SGCE: variants seen among roughly 807,000 people sequenced by gnomAD.
SGCE encodes the protein sarcoglycan epsilon.
In SGCE, 26 loss-of-function variants were observed where a neutral mutation model predicts 57.8. The ratio of observed to expected loss-of-function variants is 0.45; its 90% CI spans 0.33 to 0.62. The LOEUF (loss-of-function observed/expected upper bound fraction) is 0.62, where lower values mean the gene tolerates loss of function less well. Among genes scored for constraint, SGCE ranks in the 20% least tolerant of loss-of-function variants. The probability of loss-of-function intolerance (pLI) is 0.02; values close to 1 mark genes in which losing one functional copy is unlikely to be tolerated. For missense variants in SGCE, 468 were observed against 548.6 expected, an observed-to-expected ratio of 0.85 and a Z score of 1.47; for synonymous variants, 183 against 189.5, an observed-to-expected ratio of 0.97 and a Z score of 0.28.
chr7:94,588,605 C>T, intron 10 of SGCE, 84 bp downstream of exon 10: 3 of 1,557,154 alleles, frequency 1.9e-6, no homozygotes, highest in Admixed American at 1.7e-5. Context: ...GAAGATAAAG[C>T]TTCATAAATT....
chr7:94,604,012 G>A (rs1474229139), intron 5 of SGCE, among the ~76,000 whole-genome samples: 1 of 151,994 alleles, frequency 6.6e-6, no homozygotes, highest in East Asian at 1.9e-4. Flanking sequence ...CTCATTAGAA[G>A]GCCTTGCAAT....
chr7:94,626,017 G>A (rs1437651477), intron 3 of SGCE: 5 of 152,050 alleles, frequency 3.3e-5, no homozygotes, highest in Non-Finnish European at 7.4e-5. Context: ...CACCTGCAAT[G>A]CATTTTACTG....
chr7:94,611,607 C>G (rs905202130), intron 5 of SGCE, among the ~76,000 whole-genome samples: 1 of 151,886 alleles, frequency 6.6e-6, no homozygotes, highest in Non-Finnish European at 1.5e-5. Flanking sequence ...CTAAAAGTCA[C>G]GATTTAAAAT....
chr7:94,616,658 A>G (rs1801971591), intron 5 of SGCE, among the ~76,000 whole-genome samples: 1 of 152,160 alleles, frequency 6.6e-6, no homozygotes. Context: ...TTTTTTTTCT[A>G]AATTTAAGGC....
intron 8 of SGCE, chr7:94,599,463 C>G (rs1168995891): frequency 1.9e-6 from 1 of 518,364 alleles, no homozygotes; most frequent in African/African-American, 1.9e-5. Flanking sequence ...TATTCTGAAT[C>G]TGAAATATTT....
chr7:94,634,393 T>A (rs1479385031), intron 1 of SGCE, among the ~76,000 whole-genome samples: 1 of 152,180 alleles, frequency 6.6e-6, no homozygotes, highest in Admixed American at 6.6e-5. Flanking sequence ...TTGGTTGCCT[T>A]GTCATTTACC....
At chr7:94,609,864 C>A (rs1800732027) in intron 5 of SGCE, among the ~76,000 whole-genome samples, 1 of 152,022 alleles carries the variant, frequency 6.6e-6, no homozygotes, top group Admixed American at 6.6e-5. Flanking sequence ...CTATATTTAC[C>A]CAAAGGAGTT....
chr7:94,648,918 G>A lies in SGCE; in HGVS notation c.109+7072C>T, dbSNP rs767291273. On this transcript the variant is annotated intron_variant, in intron 1 of 10. Transcript: ENST00000648936. Reference sequence around the variant, plus strand: ...TGATCCCTTCTTTCAAATTTGCAGCGAACCCCAAATCTCCATAATAATCAA... The same window carrying A: ...TGATCCCTTCTTTCAAATTTGCAGCAAACCCCAAATCTCCATAATAATCAA... Among the ~76,000 whole-genome samples the A allele has an allele frequency of 2.0e-5, 3 of 152,098 alleles. No individual in the cohort carries two copies. The South Asian group carries it at 6.2e-4, about 31-fold the overall frequency.
At chr7:94,627,253 C>CTG (rs1803868236) in intron 3 of SGCE, 1 of 151,990 alleles carries the variant, frequency 6.6e-6, no homozygotes, top group African/African-American at 2.4e-5. Flanking sequence ...CTCTGAAAGG[C>CTG]TGTATTCTTT....
At chr7:94,626,743 C>T (rs1803775637) in intron 3 of SGCE, 8 of 151,906 alleles carry the variant, frequency 5.3e-5, no homozygotes, top group Admixed American at 5.3e-4. Flanking sequence ...ATTTATCAGA[C>T]AGAGTCATTC....
intron 1 of SGCE, among the ~76,000 whole-genome samples, chr7:94,634,745 T>C (rs1474156607): frequency 6.6e-6 from 1 of 152,222 alleles, no homozygotes; most frequent in East Asian, 1.9e-4. Context: ...TAGTTCTTAG[T>C]TGACGCAGTA....
At chr7:94,589,547 G>T (rs1403153182) in intron 9 of SGCE, 1 of 152,362 alleles carries the variant, frequency 6.6e-6, no homozygotes, top group African/African-American at 2.4e-5. Context: ...GAGGTGAGTG[G>T]CAGGTAAGCC....
intron 4 of SGCE, chr7:94,620,606 T>C (rs1043259062): frequency 1.3e-5 from 2 of 152,240 alleles, no homozygotes; most frequent in African/African-American, 4.8e-5. Context: ...AATACAGCTT[T>C]TGAATATGCC....
chr7:94,628,741 G>A (rs996009903), intron 2 of SGCE: 10 of 178,084 alleles, frequency 5.6e-5, no homozygotes, highest in African/African-American at 4.8e-5. Context: ...ACTATCATAT[G>A]AGTATGAAAG....
intron 10 of SGCE, chr7:94,588,479 A>G (rs1797209773): frequency 7.2e-7 from 1 of 1,380,530 alleles, no homozygotes. Context: ...CTTTTGCTCT[A>G]AGATCATTTA....
intron 1 of SGCE, 73 bp from the exon 2 acceptor site, chr7:94,629,914 C>T (rs1804421316): frequency 1.9e-6 from 3 of 1,574,934 alleles, no homozygotes; most frequent in African/African-American, 2.7e-5. Context: ...TCAGCTTACG[C>T]TGTTTATAAA....
intron 9 of SGCE, chr7:94,590,850 ATAT>A (rs1217529574): frequency 6.6e-6 from 1 of 152,236 alleles, no homozygotes; most frequent in Non-Finnish European, 1.5e-5. Flanking sequence ...AGCCAGGCAA[ATAT>A]TATGTTCCAA....
At chr7:94,587,902 C>CT in intron 10 of SGCE, 1 of 1,487,986 alleles carries the variant, frequency 6.7e-7, no homozygotes, top group African/African-American at 1.4e-5. Flanking sequence ...TTTTAAGAGA[C>CT]TTACTTAATA....
intron 9 of SGCE, among the ~76,000 whole-genome samples, chr7:94,596,965 A>T (rs1374981246): frequency 3.3e-5 from 5 of 152,130 alleles, no homozygotes; most frequent in Non-Finnish European, 5.9e-5. Flanking sequence ...CATAATTTTC[A>T]TCTAAAAAGG....
Sources: gnomAD v4.1 joint callset for allele counts (sites outside exome capture counted in the v4.1 genomes callset) on GRCh38, gnomAD v4.1.1 for gene constraint, MANE v1.5 for transcripts, NCBI Gene and HGNC (gene_info 2026-07-23, HGNC 2026-07-21) for gene names.